Variants in FAM185A observed in about 807,000 individuals in gnomAD.
The protein encoded by FAM185A is family with sequence similarity 185 member A, also known as protein FAM185A.
FAM185A carries 21 observed loss-of-function variants against 45.7 expected under a neutral mutation model. That is an observed-to-expected ratio of 0.46 (90% CI 0.33 to 0.66). The LOEUF is 0.66. Ranked by LOEUF, FAM185A falls within the 30% of genes least tolerant of loss-of-function variation. FAM185A has a pLI of 0.03. For missense variants in FAM185A, 305 were observed against 485.4 expected, an observed-to-expected ratio of 0.63 and a Z score of 3.49; for synonymous variants, 117 against 194.0, an observed-to-expected ratio of 0.60 and a Z score of 3.30.
the FAM185A span, among the ~76,000 whole-genome samples, chr7:102,826,340 A>G: frequency 6.6e-6 from 1 of 152,206 alleles, no homozygotes; most frequent in Non-Finnish European, 1.5e-5. Context: ...GCAGTAAGAA[A>G]TAATGTGCTT....
At chr7:102,785,166 A>G (rs1477939198) in intron 6 of FAM185A, among the ~76,000 whole-genome samples, 2 of 152,112 alleles carry the variant, frequency 1.3e-5, no homozygotes, top group Non-Finnish European at 2.9e-5. Context: ...ACCACTGCTC[A>G]ATGAAATAAA....
intron 2 of FAM185A, among the ~76,000 whole-genome samples, chr7:102,757,632 G>A (rs1476024891): frequency 2.0e-5 from 3 of 152,178 alleles, no homozygotes; most frequent in African/African-American, 7.2e-5. Context: ...AGTATCTCTT[G>A]TTTTTCCCTT....
the FAM185A span, among the ~76,000 whole-genome samples, chr7:102,842,802 C>T: frequency 6.6e-6 from 1 of 152,208 alleles, no homozygotes; most frequent in Admixed American, 6.5e-5. Flanking sequence ...TTCCATAGCA[C>T]AGATAGTCCA....
At chr7:102,835,851 C>T in the FAM185A span, among the ~76,000 whole-genome samples, 1 of 151,852 alleles carries the variant, frequency 6.6e-6, no homozygotes, top group Non-Finnish European at 1.5e-5. Flanking sequence ...CCTCGTGATC[C>T]GCCCGCCTCG....
At chr7:102,793,648 T>A (rs1250071938) in intron 7 of FAM185A, among the ~76,000 whole-genome samples, 1 of 152,122 alleles carries the variant, frequency 6.6e-6, no homozygotes, top group African/African-American at 2.4e-5. Context: ...TCTGCAAACT[T>A]TATCTGTAAA....
chr7:102,771,537 G>T (rs544862402), intron 4 of FAM185A, among the ~76,000 whole-genome samples: 179 of 151,818 alleles, frequency 1.2e-3, no homozygotes, highest in African/African-American at 3.9e-3. Context: ...CCTTTTTTTG[G>T]TTTTTCCCAG....
intron 2 of FAM185A, among the ~76,000 whole-genome samples, chr7:102,752,612 GAC>G: frequency 6.7e-6 from 1 of 150,272 alleles, no homozygotes; most frequent in East Asian, 1.9e-4. Flanking sequence ...TCTTTGTAGA[GAC>G]AGTGTCTCAC....
At chr7:102,821,028 T>C in the FAM185A span, among the ~76,000 whole-genome samples, 5 of 152,228 alleles carry the variant, frequency 3.3e-5, no homozygotes, top group East Asian at 7.7e-4. Context: ...TAAATAGTGA[T>C]TGGCAAAATA....
intron 7 of FAM185A, among the ~76,000 whole-genome samples, chr7:102,794,991 G>A (rs575231865): frequency 6.6e-6 from 1 of 152,330 alleles, no homozygotes; most frequent in East Asian, 1.9e-4. Flanking sequence ...GTTGCCATAG[G>A]TTAGGGAAGG....
At chr7:102,847,668 A>G in the FAM185A span, among the ~76,000 whole-genome samples, 2 of 151,862 alleles carry the variant, frequency 1.3e-5, no homozygotes, top group Non-Finnish European at 2.9e-5. Flanking sequence ...CTGGGACTAG[A>G]GGTGTGCGCC....
intron 5 of FAM185A, among the ~76,000 whole-genome samples, chr7:102,776,962 T>A (rs1462582471): frequency 6.6e-6 from 1 of 152,128 alleles, no homozygotes; most frequent in African/African-American, 2.4e-5. Flanking sequence ...AAAGGAACCA[T>A]TACTTGCAGA....
At chr7:102,819,598 C>CT in the FAM185A span, among the ~76,000 whole-genome samples, 1 of 152,124 alleles carries the variant, frequency 6.6e-6, no homozygotes, top group Non-Finnish European at 1.5e-5. Context: ...ACCTTAAGGG[C>CT]TGCATCATAC....
intron 6 of FAM185A, among the ~76,000 whole-genome samples, chr7:102,783,619 C>CATACCAGAATCTCTGGTATGTCAAAG (rs573010715): frequency 0.012 from 1,884 of 151,504 alleles, 47 homozygotes; most frequent in African/African-American, 0.044. Context: ...AAAGACACAA[C>CATACCAGAATCTCTGGTATGTCAAAG]ATACCAGAAT....
intron 6 of FAM185A, among the ~76,000 whole-genome samples, chr7:102,786,088 C>A (rs1344503865): frequency 2.0e-5 from 3 of 152,108 alleles, no homozygotes; most frequent in African/African-American, 7.2e-5. Flanking sequence ...AAATGCTCAT[C>A]ATCACTGGCC....
chr7:102,793,402 G>GGGTTTCACCATATTGGCCAGGCT (rs1796255609), intron 7 of FAM185A, among the ~76,000 whole-genome samples: 1 of 152,064 alleles, frequency 6.6e-6, no homozygotes, highest in Non-Finnish European at 1.5e-5. Context: ...AGTAGAGACA[G>GGGTTTCACCATATTGGCCAGGCT]GGTTTCACCA....
chr7:102,758,779 C>T (rs992366711), intron 3 of FAM185A, among the ~76,000 whole-genome samples: 8 of 151,918 alleles, frequency 5.3e-5, no homozygotes, highest in African/African-American at 1.9e-4. Context: ...CATAATTAAA[C>T]AAGATAGACT....
intron 7 of FAM185A, among the ~76,000 whole-genome samples, chr7:102,801,705 G>A (rs1369146114): frequency 6.6e-6 from 1 of 152,052 alleles, no homozygotes; most frequent in Admixed American, 6.6e-5. Context: ...CGGGTAGACT[G>A]CCTGAGGTCA....
At chr7:102,849,000 C>CA in the FAM185A span, among the ~76,000 whole-genome samples, 15 of 150,738 alleles carry the variant, frequency 1.0e-4, no homozygotes, top group South Asian at 1.7e-3. Context: ...AACTCCATCT[C>CA]AAAAAAAAAC....
At chr7:102,791,898 C>A (rs1796163259) in intron 7 of FAM185A, among the ~76,000 whole-genome samples, 1 of 152,054 alleles carries the variant, frequency 6.6e-6, no homozygotes, top group Non-Finnish European at 1.5e-5. Context: ...CCTAGAAAAT[C>A]AGGGCAGATT....
Sources: allele counts gnomAD v4.1 joint callset (sites outside exome capture counted in the v4.1 genomes callset), GRCh38; gene constraint gnomAD v4.1.1; transcripts MANE v1.5; gene names NCBI Gene and HGNC (gene_info 2026-07-23, HGNC 2026-07-21).